ANKRD6: variants seen among roughly 807,000 people sequenced by gnomAD.
ANKRD6 encodes ankyrin repeat domain-containing protein 6.
A neutral mutation model predicts 82.3 loss-of-function variants in ANKRD6; 56 were observed. That is an observed-to-expected ratio of 0.68 (90% CI 0.55 to 0.85). ANKRD6 has a LOEUF of 0.85. Among genes scored for constraint, ANKRD6 ranks in the 40% least tolerant of loss-of-function variants. The probability of loss-of-function intolerance (pLI) is 0.00; values close to 1 mark genes in which losing one functional copy is unlikely to be tolerated. For synonymous variants in ANKRD6, 347 were observed against 352.1 expected, an observed-to-expected ratio of 0.99 and a Z score of 0.16; for missense variants, 852 against 907.6, an observed-to-expected ratio of 0.94 and a Z score of 0.79.
Position 89,624,573 on chromosome 6 carries a change from TCAA to T in ANKRD6, c.1257_1259del (p.Asn419del), listed in dbSNP as rs1378533547. The T allele has an allele frequency of 1.9e-6, 3 of 1,554,922 alleles. No individual in the cohort carries two copies. Among genetic ancestry groups the T allele is most frequent in the Non-Finnish European group, 2.6e-6 (3 of 1,148,726 alleles). ...AATGGTTGTCGATGTGAACCTCTAA[TCAA>T]CAAGCTGGAGAATCAGTTGGAGGCT... On this transcript the variant is annotated inframe_deletion, in exon 13 of 16. Transcript: ENST00000339746.
At chr6:89,541,950 T>C (rs1241333628) in intron 1 of ANKRD6, among the ~76,000 whole-genome samples, 1 of 152,002 alleles carries the variant, frequency 6.6e-6, no homozygotes, top group Non-Finnish European at 1.5e-5. Flanking sequence ...ATAAATAATG[T>C]GTATAGCTTT....
intron 1 of ANKRD6, among the ~76,000 whole-genome samples, chr6:89,493,714 C>T (rs939212903): frequency 6.6e-6 from 1 of 152,158 alleles, no homozygotes; most frequent in African/African-American, 2.4e-5. Context: ...CCACGCCCAG[C>T]CTGTCTGTCT....
chr6:89,568,662 G>T (rs902921749), intron 2 of ANKRD6, among the ~76,000 whole-genome samples: 1 of 152,034 alleles, frequency 6.6e-6, no homozygotes, highest in African/African-American at 2.4e-5. Context: ...CCCTTGTGAT[G>T]AAATTAGTTT....
chr6:89,446,748 T>G (rs1772133540), intron 1 of ANKRD6, among the ~76,000 whole-genome samples: 1 of 152,156 alleles, frequency 6.6e-6, no homozygotes, highest in African/African-American at 2.4e-5. Flanking sequence ...GAACTGTAGC[T>G]CCCATAATCC....
chr6:89,527,256 T>C (rs1168117840), intron 1 of ANKRD6, among the ~76,000 whole-genome samples: 2 of 152,148 alleles, frequency 1.3e-5, no homozygotes, highest in Non-Finnish European at 2.9e-5. Flanking sequence ...CCAGTAAGTA[T>C]GCAAAAGGAT....
intron 2 of ANKRD6, among the ~76,000 whole-genome samples, chr6:89,582,029 T>G (rs1168646487): frequency 6.6e-6 from 1 of 152,214 alleles, no homozygotes; most frequent in Admixed American, 6.5e-5. Context: ...CTGGGAAAGC[T>G]TAGGCTTTTG....
At chr6:89,506,355 C>T (rs1376269661) in intron 1 of ANKRD6, among the ~76,000 whole-genome samples, 1 of 152,142 alleles carries the variant, frequency 6.6e-6, no homozygotes, top group Non-Finnish European at 1.5e-5. Context: ...GTTTCTGTCA[C>T]CCAGGCTGGG....
chr6:89,585,768 C>T (rs1356492347), intron 2 of ANKRD6, among the ~76,000 whole-genome samples: 1 of 152,124 alleles, frequency 6.6e-6, no homozygotes, highest in Admixed American at 6.5e-5. Context: ...ATTAACCGAG[C>T]TTGATGATGT....
intron 1 of ANKRD6, among the ~76,000 whole-genome samples, chr6:89,450,376 C>G (rs1310429836): frequency 6.6e-6 from 1 of 151,890 alleles, no homozygotes; most frequent in Non-Finnish European, 1.5e-5. Flanking sequence ...GAAATTGCAA[C>G]AGCCACCCCA....
intron 1 of ANKRD6, among the ~76,000 whole-genome samples, chr6:89,499,313 A>G (rs946795680): frequency 5.3e-5 from 8 of 152,214 alleles, no homozygotes; most frequent in African/African-American, 1.9e-4. Context: ...GGACTTATTC[A>G]TATGGGCGAA....
chr6:89,517,919 C>A (rs1210116470), intron 1 of ANKRD6, among the ~76,000 whole-genome samples: 2 of 152,182 alleles, frequency 1.3e-5, no homozygotes, highest in Non-Finnish European at 2.9e-5. Context: ...TGGATATACA[C>A]TTCTCTGCAA....
Position 89,616,601 on chromosome 6 carries a change from A to G in ANKRD6, c.658A>G (p.Lys220Glu). 6.2e-7 allele frequency: 1 copy of G among 1,614,070 alleles called. No homozygotes were observed. The highest frequency in any genetic ancestry group is 8.5e-7 in the Non-Finnish European group (1 of 1,179,910). ...TCACGTTGCTGCTGCCCTAAATCAC[A>G]AGAAGGTGGCCAAAATCTTACTGGA... ...ALHVAAALNH[K>E]KVAKILLEAG... Residue 220 changes from lysine to glutamate, a missense_variant, in exon 8 of 16, where the codon AAG becomes GAG. Physicochemically the swap from Lys to Glu is moderately conservative, Grantham distance 56. Coordinates refer to ENST00000339746, the MANE Select transcript of ANKRD6 (RefSeq NM_001242809.2).
At chr6:89,495,628 G>A (rs926970012) in intron 1 of ANKRD6, among the ~76,000 whole-genome samples, 2 of 152,098 alleles carry the variant, frequency 1.3e-5, no homozygotes, top group East Asian at 1.9e-4. Context: ...GTACTCTTCC[G>A]TTGGCTCATT....
intron 10 of ANKRD6, 122 bp downstream of exon 10, chr6:89,622,148 T>A: frequency 1.3e-6 from 1 of 790,514 alleles, no homozygotes; most frequent in Non-Finnish European, 2.0e-6. Context: ...TCCTCCTTGC[T>A]GGAGCTCTTC....
At chr6:89,610,222 T>C (rs1189150752) in intron 5 of ANKRD6, among the ~76,000 whole-genome samples, 2 of 152,182 alleles carry the variant, frequency 1.3e-5, no homozygotes, top group Admixed American at 6.5e-5. Flanking sequence ...ATATAGAATG[T>C]TTCCATTGCC....
intron 1 of ANKRD6, among the ~76,000 whole-genome samples, chr6:89,546,032 C>T (rs927490972): frequency 6.6e-6 from 1 of 152,170 alleles, no homozygotes; most frequent in Non-Finnish European, 1.5e-5. Flanking sequence ...TGGTCTTGAT[C>T]TCCTGACCTC....
At chr6:89,447,840 A>G (rs1001094325) in intron 1 of ANKRD6, among the ~76,000 whole-genome samples, 7 of 87,708 alleles carry the variant, frequency 8.0e-5, no homozygotes, top group African/African-American at 1.5e-4. Flanking sequence ...GGCATGTGCC[A>G]CCACGCCCAG....
chr6:89,607,252 A>G (rs2128196419), intron 5 of ANKRD6, among the ~76,000 whole-genome samples: 1 of 152,270 alleles, frequency 6.6e-6, no homozygotes, highest in East Asian at 1.9e-4. Flanking sequence ...CTGCTATTGA[A>G]ATGAAATATG....
chr6:89,616,020 C>G (rs1385004986), intron 7 of ANKRD6, among the ~76,000 whole-genome samples: 1 of 152,218 alleles, frequency 6.6e-6, no homozygotes, highest in African/African-American at 2.4e-5. Flanking sequence ...TATCCTGAGC[C>G]TGCAGATGGA....
Sources: gnomAD v4.1 joint callset for allele counts (sites outside exome capture counted in the v4.1 genomes callset) on GRCh38, gnomAD v4.1.1 for gene constraint, MANE v1.5 for transcripts, NCBI Gene and HGNC (gene_info 2026-07-23, HGNC 2026-07-21) for gene names.